FAM135B: variants seen among roughly 807,000 people sequenced by gnomAD.
The protein encoded by FAM135B is family with sequence similarity 135 member B.
In FAM135B, 43 loss-of-function variants were observed where a neutral mutation model predicts 127.7. That is an observed-to-expected ratio of 0.34 (90% CI 0.26 to 0.43). The LOEUF (loss-of-function observed/expected upper bound fraction) is 0.43, where lower values mean the gene tolerates loss of function less well. FAM135B is among the 20% of genes least tolerant of loss of function. The pLI is 1.00. For missense variants in FAM135B, 1,558 were observed against 1,725.6 expected, an observed-to-expected ratio of 0.90 and a Z score of 1.72; for synonymous variants, 670 against 665.1, an observed-to-expected ratio of 1.01 and a Z score of -0.11.
chr8:138,173,798 C>T (rs1007534721), intron 11 of FAM135B, among the ~76,000 whole-genome samples: 3 of 152,190 alleles, frequency 2.0e-5, no homozygotes, highest in Admixed American at 6.5e-5. Context: ...ATGAATACAT[C>T]GGTGTAGACC....
intron 1 of FAM135B, among the ~76,000 whole-genome samples, chr8:138,429,264 A>C (rs879212582): frequency 6.6e-6 from 1 of 152,324 alleles, no homozygotes; most frequent in Admixed American, 6.5e-5. Context: ...GAGTAACACA[A>C]GTACAGGACC....
intron 7 of FAM135B, among the ~76,000 whole-genome samples, chr8:138,217,125 C>T (rs997864849): frequency 1.3e-5 from 2 of 152,206 alleles, no homozygotes; most frequent in Admixed American, 6.5e-5. Flanking sequence ...TCATCAACAG[C>T]ATCATCACCA....
chr8:138,414,554 T>C (rs964076558), intron 1 of FAM135B, among the ~76,000 whole-genome samples: 1 of 152,198 alleles, frequency 6.6e-6, no homozygotes, highest in Non-Finnish European at 1.5e-5. Context: ...GACTTTTGAA[T>C]TTAATGAGTA....
chr8:138,313,531 T>C (rs1375288382), intron 2 of FAM135B, among the ~76,000 whole-genome samples: 1 of 150,628 alleles, frequency 6.6e-6, no homozygotes, highest in Non-Finnish European at 1.5e-5. Context: ...TGTTTGTTTG[T>C]TTGCTTGTTT....
At chr8:138,142,051 T>TA in intron 16 of FAM135B, among the ~76,000 whole-genome samples, 1 of 152,310 alleles carries the variant, frequency 6.6e-6, no homozygotes, top group South Asian at 2.1e-4. Context: ...TTCTTTTTTT[T>TA]AAAAATCTAA....
At chr8:138,142,595 C>T (rs986658317) in intron 16 of FAM135B, among the ~76,000 whole-genome samples, 12 of 152,112 alleles carry the variant, frequency 7.9e-5, no homozygotes, top group South Asian at 2.1e-4. Context: ...TGAGCCACCG[C>T]GCCCGGCCTT....
At position 138,256,792 on chromosome 8, in the gene FAM135B, G is replaced by C. The variant is rs201982413; in HGVS notation, c.298-33C>G. Reference sequence around the variant, plus strand: ...AGAAACAAAGTCCAAGGGATTTCAGGAGTCAAATCTTGTCCAAATGAAATA... The same window carrying C: ...AGAAACAAAGTCCAAGGGATTTCAGCAGTCAAATCTTGTCCAAATGAAATA... On this transcript the variant is annotated intron_variant, in intron 4 of 19. Transcript: ENST00000395297. The C allele has an allele frequency of 1.2e-4, 189 of 1,566,898 alleles. 1 individual carries two copies. The African/African-American group carries it at 2.3e-3, about 19-fold the overall frequency.
intron 8 of FAM135B, among the ~76,000 whole-genome samples, chr8:138,197,040 C>A (rs1215878231): frequency 6.6e-6 from 1 of 151,328 alleles, no homozygotes; most frequent in Non-Finnish European, 1.5e-5. Flanking sequence ...TAAGAAGTTT[C>A]TATAATCATC....
At chr8:138,399,643 G>A (rs752930776) in intron 1 of FAM135B, among the ~76,000 whole-genome samples, 28 of 152,104 alleles carry the variant, frequency 1.8e-4, no homozygotes, top group Admixed American at 9.2e-4. Flanking sequence ...AAATGAACAC[G>A]ATGATTTTAT....
intron 12 of FAM135B, among the ~76,000 whole-genome samples, chr8:138,154,083 C>T (rs13257538): frequency 0.53 from 80,950 of 151,792 alleles, 22,176 homozygotes; most frequent in East Asian, 0.77. Context: ...CCCTCTGAGA[C>T]GAAGCTTCCA....
intron 1 of FAM135B, among the ~76,000 whole-genome samples, chr8:138,427,692 T>C (rs1197960268): frequency 6.6e-6 from 1 of 152,122 alleles, no homozygotes; most frequent in African/African-American, 2.4e-5. Context: ...TAAGAGTAGA[T>C]CTAAACACAT....
At chr8:138,494,812 C>CT (rs1243518344) in intron 1 of FAM135B, among the ~76,000 whole-genome samples, 1 of 150,030 alleles carries the variant, frequency 6.7e-6, no homozygotes, top group Non-Finnish European at 1.5e-5. Flanking sequence ...AGTCCCTACT[C>CT]TGTCTAAATC....
chr8:138,407,074 T>A (rs1833551385), intron 1 of FAM135B, among the ~76,000 whole-genome samples: 1 of 151,222 alleles, frequency 6.6e-6, no homozygotes, highest in South Asian at 2.1e-4. Context: ...GGATACAAAA[T>A]CAATGTACAA....
intron 3 of FAM135B, among the ~76,000 whole-genome samples, chr8:138,291,119 A>G (rs1825078981): frequency 6.6e-6 from 1 of 152,198 alleles, no homozygotes; most frequent in Admixed American, 6.5e-5. Context: ...CTTTTCAAAA[A>G]CACCACATGC....
intron 1 of FAM135B, among the ~76,000 whole-genome samples, chr8:138,471,954 C>T (rs577902136): frequency 1.3e-5 from 2 of 152,232 alleles, no homozygotes; most frequent in Non-Finnish European, 1.5e-5. Context: ...TCAACTTGGT[C>T]ACCATGCAAA....
chr8:138,156,464 A>G (rs567527125), intron 12 of FAM135B, among the ~76,000 whole-genome samples: 2 of 152,202 alleles, frequency 1.3e-5, no homozygotes, highest in East Asian at 1.9e-4. Context: ...ACTGAAGGAG[A>G]TAGAGACACA....
At chr8:138,369,361 G>A (rs1187150738) in intron 1 of FAM135B, among the ~76,000 whole-genome samples, 2 of 152,146 alleles carry the variant, frequency 1.3e-5, no homozygotes, top group Non-Finnish European at 2.9e-5. Flanking sequence ...GACCATTCTT[G>A]TGGTTCAGAG....
chr8:138,308,098 A>C (rs1826396922), intron 3 of FAM135B, among the ~76,000 whole-genome samples: 1 of 152,178 alleles, frequency 6.6e-6, no homozygotes, highest in South Asian at 2.1e-4. Flanking sequence ...TGGAGGAAGC[A>C]ACCCTGGGCC....
chr8:138,148,757 G>T lies in FAM135B; in HGVS notation c.3282-71C>A. ...GTTGAACAGGAAATGAGCTGGGCTG[G>T]TATGTAGAAGGGCTGAGCACCCACA... On this transcript the variant is annotated intron_variant, in intron 13 of 19. Transcript: ENST00000395297. 4 of 1,218,616 alleles carry T rather than the reference G, an allele frequency of 3.3e-6. No individual in the cohort carries two copies. The South Asian group carries it at 5.9e-5, about 18-fold the overall frequency. 75.5% of individuals were successfully genotyped at this position (1,218,616 alleles called of 1,614,324 possible).
Sources: allele counts gnomAD v4.1 joint callset (sites outside exome capture counted in the v4.1 genomes callset), GRCh38; gene constraint gnomAD v4.1.1; transcripts MANE v1.5; gene names NCBI Gene and HGNC (gene_info 2026-07-23, HGNC 2026-07-21).